Variants in SPIDR observed in about 807,000 individuals in gnomAD.
SPIDR encodes DNA repair-scaffolding protein.
Under a neutral mutation model 104.6 loss-of-function variants are expected in SPIDR, and 93 were observed. The ratio of observed to expected loss-of-function variants is 0.89; its 90% CI spans 0.75 to 1.06. The LOEUF (loss-of-function observed/expected upper bound fraction) is 1.06. Among genes scored for constraint, SPIDR ranks in the 50% least tolerant of loss-of-function variants. The probability of loss-of-function intolerance (pLI) is 0.00; values close to 1 mark genes in which losing one functional copy is unlikely to be tolerated. For missense variants in SPIDR, 1,154 were observed against 1,111.2 expected (o/e 1.04, Z -0.55); for synonymous variants, 431 against 416.9 (o/e 1.03, Z -0.41).
chr8:47,608,530 A>G (rs764548826), intron 10 of SPIDR, among the ~76,000 whole-genome samples: 7 of 152,212 alleles, frequency 4.6e-5, no homozygotes, highest in Admixed American at 6.5e-5. Context: ...AGTATTTTCC[A>G]AAGTGGCTAC....
intron 11 of SPIDR, among the ~76,000 whole-genome samples, chr8:47,699,668 C>T (rs531633464): frequency 9.2e-5 from 14 of 152,290 alleles, no homozygotes; most frequent in African/African-American, 3.4e-4. Context: ...GATTTTCCTG[C>T]CTCAACCTCC....
intron 10 of SPIDR, among the ~76,000 whole-genome samples, chr8:47,662,878 G>A (rs1465401831): frequency 1.3e-5 from 2 of 152,230 alleles, no homozygotes; most frequent in African/African-American, 4.8e-5. Context: ...GCTTTGAAAA[G>A]ACAGCTGTCT....
chr8:47,722,220 T>C (rs754598312), intron 16 of SPIDR, among the ~76,000 whole-genome samples: 2 of 152,228 alleles, frequency 1.3e-5, no homozygotes, highest in Non-Finnish European at 2.9e-5. Context: ...CTTTTTGATA[T>C]TAACCCTGCA....
At chr8:47,443,164 G>A (rs1402150514) in intron 8 of SPIDR, among the ~76,000 whole-genome samples, 2 of 152,048 alleles carry the variant, frequency 1.3e-5, no homozygotes, top group Non-Finnish European at 2.9e-5. Context: ...ATTAGACTTT[G>A]GAATGTTTGT....
intron 8 of SPIDR, among the ~76,000 whole-genome samples, chr8:47,574,939 A>G (rs1324261921): frequency 6.6e-6 from 1 of 152,214 alleles, no homozygotes; most frequent in South Asian, 2.1e-4. Context: ...ACAGATTATT[A>G]TTCATGTGAA....
chr8:47,642,243 A>G (rs960150821), intron 10 of SPIDR, among the ~76,000 whole-genome samples: 2 of 151,782 alleles, frequency 1.3e-5, no homozygotes, highest in African/African-American at 4.8e-5. Flanking sequence ...CTAACACGGT[A>G]AAACTAAACT....
intron 5 of SPIDR, among the ~76,000 whole-genome samples, chr8:47,296,061 C>A (rs1380192085): frequency 1.3e-5 from 2 of 152,072 alleles, no homozygotes; most frequent in Non-Finnish European, 1.5e-5. Context: ...TAATATATAT[C>A]TGTTGGCCAT....
At chr8:47,416,287 C>A (rs760450982) in intron 7 of SPIDR, among the ~76,000 whole-genome samples, 3 of 152,044 alleles carry the variant, frequency 2.0e-5, no homozygotes. Context: ...TAGTTTATAA[C>A]CTTTTGGGAT....
At chr8:47,623,518 G>A (rs2065481566) in intron 10 of SPIDR, among the ~76,000 whole-genome samples, 2 of 152,150 alleles carry the variant, frequency 1.3e-5, no homozygotes, top group South Asian at 2.1e-4. Flanking sequence ...ACACATATAG[G>A]CCCAAAATGA....
At position 47,369,085 on chromosome 8, in the gene SPIDR, G is replaced by T. The variant is rs140537169; in HGVS notation, c.526-27291G>T. Among the ~76,000 whole-genome samples the T allele has an allele frequency of 2.4e-4, 36 of 152,306 alleles. No homozygotes were observed. In the East Asian group the frequency reaches 6.8e-3, roughly 29 times the overall value. On this transcript the variant is annotated intron_variant, in intron 5 of 19. Coordinates refer to ENST00000297423, the MANE Select transcript of SPIDR (RefSeq NM_001080394.4). ...AAACTAGAAGCTTATTGGGGAGTGGGTTTGTATATGAAGAGGACATTGCAG... is the reference window on the plus strand; with the variant it reads ...AAACTAGAAGCTTATTGGGGAGTGGTTTTGTATATGAAGAGGACATTGCAG...
At chr8:47,657,745 G>T (rs1443345548) in intron 10 of SPIDR, among the ~76,000 whole-genome samples, 1 of 152,048 alleles carries the variant, frequency 6.6e-6, no homozygotes, top group East Asian at 1.9e-4. Context: ...TAATAAAAAG[G>T]CAGGCTTGAA....
chr8:47,565,186 C>T (rs1008715990), intron 8 of SPIDR, among the ~76,000 whole-genome samples: 3 of 152,100 alleles, frequency 2.0e-5, no homozygotes, highest in Non-Finnish European at 2.9e-5. Context: ...GCAGAGGTTG[C>T]GGTGAACCAA....
chr8:47,286,286 A>G (rs2038835467), intron 3 of SPIDR, among the ~76,000 whole-genome samples: 6 of 152,172 alleles, frequency 3.9e-5, no homozygotes, highest in Admixed American at 2.6e-4. Context: ...CTCAGGCACC[A>G]CAGCTGCTGG....
intron 5 of SPIDR, among the ~76,000 whole-genome samples, chr8:47,350,759 A>G (rs1361198022): frequency 2.0e-5 from 3 of 152,228 alleles, no homozygotes; most frequent in African/African-American, 7.2e-5. Context: ...TTTAAATTTG[A>G]AAGCAGTACT....
At chr8:47,358,836 A>G (rs1587647017) in intron 5 of SPIDR, among the ~76,000 whole-genome samples, 1 of 152,190 alleles carries the variant, frequency 6.6e-6, no homozygotes. Flanking sequence ...GACGTAGGAT[A>G]CATATATACA....
intron 5 of SPIDR, among the ~76,000 whole-genome samples, chr8:47,302,741 C>T (rs587639736): frequency 1.1e-4 from 16 of 152,280 alleles, no homozygotes; most frequent in African/African-American, 1.7e-4. Context: ...GTATCAGCAG[C>T]GGAGGCTGCA....
chr8:47,330,044 CT>C (rs1461150531), intron 5 of SPIDR, among the ~76,000 whole-genome samples: 2 of 152,114 alleles, frequency 1.3e-5, no homozygotes, highest in Non-Finnish European at 2.9e-5. Context: ...TTCATGTGGA[CT>C]TGTGTGGATT....
chr8:47,622,620 C>T (rs993102081), intron 10 of SPIDR, among the ~76,000 whole-genome samples: 10 of 152,048 alleles, frequency 6.6e-5, no homozygotes, highest in African/African-American at 1.9e-4. Flanking sequence ...GGGGGTGACT[C>T]GAGAGTTAGC....
chr8:47,284,411 T>G (rs1554561596), intron 3 of SPIDR, among the ~76,000 whole-genome samples: 2 of 152,164 alleles, frequency 1.3e-5, no homozygotes, highest in Non-Finnish European at 2.9e-5. Context: ...TTTGTTTGTT[T>G]GTTTGTTTGT....
Sources: allele counts gnomAD v4.1 joint callset (sites outside exome capture counted in the v4.1 genomes callset), GRCh38; gene constraint gnomAD v4.1.1; transcripts MANE v1.5; gene names NCBI Gene and HGNC (gene_info 2026-07-23, HGNC 2026-07-21).